The following IQCB1 variants were observed in gnomAD, a reference collection of about 807,000 sequenced individuals.
The protein encoded by IQCB1 is IQ calmodulin-binding motif-containing protein 1.
Under a neutral mutation model 84.4 loss-of-function variants are expected in IQCB1, and 56 were observed. The ratio of observed to expected loss-of-function variants is 0.66; its 90% CI spans 0.54 to 0.83. The LOEUF is 0.83. Among genes scored for constraint, IQCB1 ranks in the 40% least tolerant of loss-of-function variants. IQCB1 has a pLI of 0.00. For missense variants in IQCB1, 629 were observed against 682.1 expected, an observed-to-expected ratio of 0.92 and a Z score of 0.87; for synonymous variants, 210 against 234.8, an observed-to-expected ratio of 0.89 and a Z score of 0.96.
intron 12 of IQCB1, among the ~76,000 whole-genome samples, chr3:121,785,255 CTTT>C (rs1012749746): frequency 1.4e-5 from 2 of 143,830 alleles, no homozygotes. Context: ...CTTTATATTA[CTTT>C]TTTTTTTTTT....
chr3:121,808,335 G>A (rs1378005326), intron 6 of IQCB1, among the ~76,000 whole-genome samples: 2 of 151,892 alleles, frequency 1.3e-5, no homozygotes, highest in African/African-American at 4.8e-5. Context: ...TCTTAAGAGT[G>A]TTACATCTAT....
At chr3:121,793,991 G>A (rs1949088169) in intron 10 of IQCB1, among the ~76,000 whole-genome samples, 1 of 152,036 alleles carries the variant, frequency 6.6e-6, no homozygotes, top group Non-Finnish European at 1.5e-5. Flanking sequence ...ATGATAGCAG[G>A]TGGAATCCAT....
chr3:121,799,191 ACTAC>A lies in IQCB1; in HGVS notation c.766+1_766+4del. ...TCCCAAGAAAAGAAAGAATGAATGT[ACTAC>A]CTTTGTAGCAGGTACTTTGTCTCAG... On this transcript the variant is annotated splice_donor_variant and splice_donor_region_variant and intron_variant, in intron 8 of 14. Coordinates refer to ENST00000310864, the MANE Select transcript of IQCB1 (RefSeq NM_001023570.4). LOFTEE classifies it high-confidence loss of function. 1 of 1,600,152 alleles carries A rather than the reference ACTAC, an allele frequency of 6.2e-7. No homozygotes were observed. Among genetic ancestry groups the A allele is most frequent in the Non-Finnish European group, 8.5e-7 (1 of 1,169,920 alleles).
At position 121,772,552 on chromosome 3, in the gene IQCB1, C is replaced by G. The variant is rs1948041808; in HGVS notation, c.1567+5G>C. 6.2e-7 allele frequency: 1 copy of G among 1,613,816 alleles called. No individual in the cohort carries two copies. Among genetic ancestry groups the G allele is most frequent in the African/African-American group, 1.3e-5 (1 of 74,928 alleles). On this transcript the variant is annotated splice_donor_5th_base_variant and intron_variant, in intron 14 of 14. Coordinates refer to ENST00000310864, the MANE Select transcript of IQCB1 (RefSeq NM_001023570.4). The stretch of plus-strand genomic sequence containing the variant: ...TTAGAGAACGAAAGTAAAATGAGCA[C>G]ATACTCATTAGCTGTTCAACGTTGG...
In IQCB1 at chr3:121,814,446, G is replaced by A. The variant is rs565987628; in HGVS notation, c.394-5437C>T. Among the ~76,000 whole-genome samples the A allele has an allele frequency of 3.2e-3, 485 of 151,854 alleles. 2 individuals carry two copies. The highest frequency in any genetic ancestry group is 5.6e-3 in the Non-Finnish European group (382 of 67,900). ...GCAGAACTGAAGGAGATAGAGACAC[G>A]AAAAACCCTTCAAAAAATCAATGAA... is the stretch of plus-strand genomic sequence containing the variant. On this transcript the variant is annotated intron_variant, in intron 5 of 14. Coordinates refer to ENST00000310864, the MANE Select transcript of IQCB1 (RefSeq NM_001023570.4).
chr3:121,788,286 C>G lies in IQCB1; in HGVS notation c.1276G>C (p.Ala426Pro). Residue 426 changes from alanine to proline, a missense_variant and splice_region_variant, in exon 12 of 15, where the codon GCA becomes CCA. Physicochemically the swap from Ala to Pro is conservative, Grantham distance 27 (BLOSUM62 -1). Coordinates refer to ENST00000310864, the MANE Select transcript of IQCB1 (RefSeq NM_001023570.4). The stretch of plus-strand genomic sequence containing the variant: ...TCTTTTCACTACATTAGACTCACTG[C>G]TCTTTGAAGTGTGACAGCTGCTTTA... ...EYKAAVTLQR[A>P]ALKFLAKCRK... 6.2e-7 allele frequency: 1 copy of G among 1,613,886 alleles called. No homozygotes were observed. Among genetic ancestry groups the G allele is most frequent in the African/African-American group, 1.3e-5 (1 of 75,040 alleles).
At chr3:121,832,040 T>C (rs1339206696) in intron 2 of IQCB1, among the ~76,000 whole-genome samples, 2 of 152,362 alleles carry the variant, frequency 1.3e-5, no homozygotes, top group South Asian at 2.1e-4. Flanking sequence ...CATGATCCTT[T>C]ACATTTTTGC....
chr3:121,806,587 T>C (rs930248331), intron 7 of IQCB1, among the ~76,000 whole-genome samples: 1 of 152,084 alleles, frequency 6.6e-6, no homozygotes, highest in Non-Finnish European at 1.5e-5. Flanking sequence ...TTTCTCTTTC[T>C]CCTCTTCCTC....
chr3:121,806,923 C>A (rs1026693921), intron 7 of IQCB1, among the ~76,000 whole-genome samples: 2 of 151,772 alleles, frequency 1.3e-5, no homozygotes, highest in African/African-American at 4.8e-5. Context: ...TCTTTTATAC[C>A]CTTCTTGAGC....
chr3:121,799,051 T>C, intron 8 of IQCB1, 145 bp downstream of exon 8: 1 of 615,934 alleles, frequency 1.6e-6, no homozygotes, highest in Non-Finnish European at 2.9e-6. Context: ...AAGACTTTTT[T>C]TTTTCTGAAT....
chr3:121,785,077 A>C (rs1194178577), intron 12 of IQCB1, among the ~76,000 whole-genome samples: 2 of 151,866 alleles, frequency 1.3e-5, no homozygotes, highest in Non-Finnish European at 2.9e-5. Flanking sequence ...TTTCTCTTTT[A>C]GCAAATTTCC....
chr3:121,833,490 A>T (rs138983428), intron 2 of IQCB1, among the ~76,000 whole-genome samples: 1 of 152,338 alleles, frequency 6.6e-6, no homozygotes, highest in East Asian at 1.9e-4. Flanking sequence ...GGCTACCGTA[A>T]TAAAACATCA....
chr3:121,803,902 T>G (rs1367560694), intron 7 of IQCB1, among the ~76,000 whole-genome samples: 1 of 152,186 alleles, frequency 6.6e-6, no homozygotes, highest in Non-Finnish European at 1.5e-5. Flanking sequence ...AATCTGTCAA[T>G]CTGTCTTTTA....
rs184515403 is a variant in IQCB1, at chr3:121,771,415, G to A, written c.1568-841C>T. Among the ~76,000 whole-genome samples, 279 of 151,234 alleles carry A rather than the reference G, an allele frequency of 1.8e-3. 2 individuals carry two copies. The highest frequency in any genetic ancestry group is 1.3e-3 in the Non-Finnish European group (87 of 67,782). ...GCGATCTCTGCTTACTACAACCTCC[G>A]CCTCCCGGGTTCAAGCAATTCTCCT... On this transcript the variant is annotated intron_variant, in intron 14 of 14. Transcript: ENST00000310864.
intron 7 of IQCB1, among the ~76,000 whole-genome samples, chr3:121,804,345 G>A (rs1446728096): frequency 6.6e-6 from 1 of 151,966 alleles, no homozygotes; most frequent in East Asian, 1.9e-4. Context: ...TATCTTATAT[G>A]TTTATGTAAT....
intron 12 of IQCB1, among the ~76,000 whole-genome samples, chr3:121,783,056 A>C (rs1397753218): frequency 6.6e-6 from 1 of 152,206 alleles, no homozygotes; most frequent in African/African-American, 2.4e-5. Flanking sequence ...GACACACTAC[A>C]TGACCTGCAA....
intron 13 of IQCB1, among the ~76,000 whole-genome samples, chr3:121,778,846 CAG>C (rs1313821571): frequency 1.3e-5 from 2 of 148,918 alleles, no homozygotes; most frequent in Admixed American, 6.8e-5. Flanking sequence ...GCGGCAGTTG[CAG>C]AGATTGCGCC....
chr3:121,829,012 C>A (rs756313994), intron 2 of IQCB1, 40 bp from the exon 3 acceptor site: 4 of 1,087,906 alleles, frequency 3.7e-6, no homozygotes, highest in South Asian at 2.5e-5. Flanking sequence ...GTCAAAAAGC[C>A]AGGAAATGTT....
intron 5 of IQCB1, among the ~76,000 whole-genome samples, chr3:121,821,891 CA>C (rs1342653980): frequency 6.6e-6 from 1 of 152,180 alleles, no homozygotes; most frequent in East Asian, 1.9e-4. Context: ...ATGAGTTTAA[CA>C]TTTAAATTTT....
Sources: gnomAD v4.1 joint callset for allele counts (sites outside exome capture counted in the v4.1 genomes callset) on GRCh38, gnomAD v4.1.1 for gene constraint, MANE v1.5 for transcripts, NCBI Gene and HGNC (gene_info 2026-07-23, HGNC 2026-07-21) for gene names.